CD2: variants seen among roughly 807,000 people sequenced by gnomAD.
The protein encoded by CD2 is T-cell surface antigen CD2.
CD2 carries 18 observed loss-of-function variants against 23.2 expected under a neutral mutation model. The ratio of observed to expected loss-of-function variants is 0.77; its 90% CI spans 0.54 to 1.15. The LOEUF (loss-of-function observed/expected upper bound fraction) is 1.15. CD2 is among the 50% of genes most tolerant of loss of function. The pLI, the probability that CD2 is intolerant of heterozygous loss-of-function variation, is 0.00. For missense variants in CD2, 424 were observed against 423.1 expected, an observed-to-expected ratio of 1.00 and a Z score of -0.02; for synonymous variants, 162 against 151.9, an observed-to-expected ratio of 1.07 and a Z score of -0.49.
Position 116,768,589 on chromosome 1 carries a change from C to T in CD2, c.862C>T (p.His288Tyr). 1 of 1,614,118 alleles carries T rather than the reference C, an allele frequency of 6.2e-7. No homozygotes were observed. Among genetic ancestry groups the T allele is most frequent in the Non-Finnish European group, 8.5e-7 (1 of 1,180,020 alleles). ...TSQHPPPPPG[H>Y]RSQAPSHRPP... is the part of the protein sequence containing the mutation. ...CCAACATCCTCCTCCACCACCTGGTCATCGTTCCCAGGCACCTAGTCATCG... is the reference window on the plus strand; with the variant it reads ...CCAACATCCTCCTCCACCACCTGGTTATCGTTCCCAGGCACCTAGTCATCG... Residue 288 changes from histidine to tyrosine, a missense_variant, in exon 5 of 5, where the codon CAT becomes TAT. His to Tyr is a moderately conservative substitution (Grantham distance 83). Coordinates refer to ENST00000369478, the MANE Select transcript of CD2 (RefSeq NM_001767.5).
At chr1:116,756,922 G>A (rs1016258245) in intron 2 of CD2, among the ~76,000 whole-genome samples, 1 of 151,938 alleles carries the variant, frequency 6.6e-6, no homozygotes, top group African/African-American at 2.4e-5. Flanking sequence ...GTCCTGCAGT[G>A]CCTGGGGCAC....
At chr1:116,760,725 G>A in intron 3 of CD2, 93 bp downstream of exon 3, 2 of 924,550 alleles carry the variant, frequency 2.2e-6, no homozygotes, top group Non-Finnish European at 3.5e-6. Flanking sequence ...CATGCTGGGA[G>A]GCAGCCCTGG....
At chr1:116,757,227 C>A (rs1350168087) in intron 2 of CD2, among the ~76,000 whole-genome samples, 1 of 152,050 alleles carries the variant, frequency 6.6e-6, no homozygotes, top group Non-Finnish European at 1.5e-5. Context: ...AAACTCCTGA[C>A]CTCAGGGGAT....
At chr1:116,761,125 C>T (rs1652037425) in intron 3 of CD2, among the ~76,000 whole-genome samples, 1 of 152,158 alleles carries the variant, frequency 6.6e-6, no homozygotes, top group South Asian at 2.1e-4. Context: ...CCAAAGAGGA[C>T]TGTGGACAGC....
At chr1:116,765,444 G>A (rs552295409) in intron 4 of CD2, among the ~76,000 whole-genome samples, 2 of 152,244 alleles carry the variant, frequency 1.3e-5, no homozygotes, top group Non-Finnish European at 2.9e-5. Flanking sequence ...CCCAGGCACC[G>A]GTGGCCTTGG....
chr1:116,763,872 G>T (rs116335712), intron 3 of CD2, among the ~76,000 whole-genome samples: 1 of 152,104 alleles, frequency 6.6e-6, no homozygotes, highest in East Asian at 1.9e-4. Flanking sequence ...GGTTTCTCTC[G>T]TGGCTCCAGG....
At position 116,767,881 on chromosome 1, in the gene CD2, AGAG is replaced by A. The variant is rs1447863369; in HGVS notation, c.737-576_737-574del. ...AAGAAGAAAATCCTGAAGGGTGAGG[AGAG>A]GAGGAGTTCTTTCCCTCCTAAGGCC... On this transcript the variant is annotated intron_variant, in intron 4 of 4. Transcript: ENST00000369478. Among the ~76,000 whole-genome samples the A allele has an allele frequency of 8.5e-5, 13 of 152,236 alleles. No individual in the cohort carries two copies. In the South Asian group the frequency reaches 2.1e-3, roughly 24 times the overall value.
At chr1:116,763,847 C>T (rs571506832) in intron 3 of CD2, among the ~76,000 whole-genome samples, 28 of 152,268 alleles carry the variant, frequency 1.8e-4, no homozygotes, top group African/African-American at 4.3e-4. Flanking sequence ...CTGTTACTAA[C>T]GCACTGTGCA....
chr1:116,758,669 T>A (rs1380278256), intron 2 of CD2, among the ~76,000 whole-genome samples: 1 of 152,136 alleles, frequency 6.6e-6, no homozygotes, highest in Non-Finnish European at 1.5e-5. Context: ...TGTCCTGTTT[T>A]GAGTGTGAGC....
rs1652104272 is a variant in CD2 at position 116,762,999 on chromosome 1, C to T, written c.614-1485C>T. Among the ~76,000 whole-genome samples the T allele has an allele frequency of 2.0e-5, 3 of 152,250 alleles. No homozygotes were observed. The South Asian group carries it at 6.2e-4, about 32-fold the overall frequency. On this transcript the variant is annotated intron_variant, in intron 3 of 4. Transcript: ENST00000369478. ...CTCCCCAAAGCATTTCAGGCCTGCC[C>T]TGCCCCACCCCGGGTCAAATCTGAA...
At chr1:116,758,375 G>A (rs369363815) in intron 2 of CD2, among the ~76,000 whole-genome samples, 78 of 152,094 alleles carry the variant, frequency 5.1e-4, no homozygotes, top group South Asian at 3.2e-3. Context: ...CACAGAAAAT[G>A]TCGCCAGAAG....
chr1:116,763,311 G>C (rs753480705), intron 3 of CD2, among the ~76,000 whole-genome samples: 11 of 152,142 alleles, frequency 7.2e-5, no homozygotes, highest in Non-Finnish European at 1.0e-4. Context: ...CCTCTCCTTG[G>C]GGCCCATCCT....
rs1652310616 is a variant in CD2, at chr1:116,768,947, C to T, written c.*164C>T. ...GCATCTTCGAACTCAGCCATGTGGT[C>T]AACATCTGGAGTTTTTGGTCTCCTC... On this transcript the variant is annotated 3_prime_UTR_variant, in exon 5 of 5. Coordinates refer to ENST00000369478, the MANE Select transcript of CD2 (RefSeq NM_001767.5). 1.5e-6 allele frequency: 1 copy of T among 677,690 alleles called. No homozygotes were observed. The highest frequency in any genetic ancestry group is 2.0e-5 in the South Asian group (1 of 50,866). 42.0% of individuals were successfully genotyped at this position (677,690 alleles called of 1,614,324 possible). A position where few individuals can be genotyped will look rare whatever the true frequency, so the allele number is the denominator to read the frequency against.
intron 2 of CD2, among the ~76,000 whole-genome samples, chr1:116,756,050 A>C (rs1021532027): frequency 1.3e-5 from 2 of 152,116 alleles, no homozygotes; most frequent in Non-Finnish European, 1.5e-5. Context: ...CCCCATCTTC[A>C]GCACCTGGGC....
intron 2 of CD2, among the ~76,000 whole-genome samples, chr1:116,758,727 G>A (rs1391999855): frequency 1.3e-5 from 2 of 152,170 alleles, no homozygotes; most frequent in African/African-American, 4.8e-5. Flanking sequence ...GTCACATTTA[G>A]CATTGCGGCG....
Position 116,754,905 on chromosome 1 carries a change from A to C in CD2, c.336A>C (p.Thr112=). 4.4e-6 allele frequency: 7 copies of C among 1,600,660 alleles called. No homozygotes were observed. Among genetic ancestry groups the C allele is most frequent in the Non-Finnish European group, 6.0e-6 (7 of 1,175,346 alleles). ...QDIYKVSIYD[T]KGKNVLEKIF... The stretch of plus-strand genomic sequence containing the variant: ...TCTACAAGGTATCAATATATGATAC[A>C]AAAGGAAAAAATGTGTTGGAAAAAA... Residue 112 remains threonine, a synonymous_variant, in exon 2 of 5, where the codon ACA becomes ACC. Transcript: ENST00000369478.
chr1:116,768,766 T>C lies in CD2; in HGVS notation c.1039T>C (p.Ser347Pro). The change falls in exon 5 of 5, where the codon TCC (serine) becomes CCC (proline). Residue 347 changes from serine (S) to proline (P), a missense_variant. Transcript: ENST00000369478. ...PPHGAAENSL[S>P]PSSN ...CCATGGGGCAGCAGAAAACTCATTG[T>C]CCCCTTCCTCTAATTAAAAAAGATA... 6 of 1,609,198 alleles carry C rather than the reference T, an allele frequency of 3.7e-6. No individual in the cohort carries two copies. The South Asian group carries it at 6.7e-5, about 18-fold the overall frequency.
intron 2 of CD2, among the ~76,000 whole-genome samples, chr1:116,759,969 C>T (rs1651987703): frequency 6.6e-6 from 1 of 152,186 alleles, no homozygotes; most frequent in Non-Finnish European, 1.5e-5. Flanking sequence ...CTTTCTCAAA[C>T]TCTGGAGGCA....
chr1:116,756,440 G>A (rs983637479), intron 2 of CD2, among the ~76,000 whole-genome samples: 5 of 152,112 alleles, frequency 3.3e-5, no homozygotes, highest in African/African-American at 1.2e-4. Flanking sequence ...AGACCTAGTT[G>A]TTATTATCTC....
Sources: gnomAD v4.1 joint callset for allele counts (sites outside exome capture counted in the v4.1 genomes callset) on GRCh38, gnomAD v4.1.1 for gene constraint, MANE v1.5 for transcripts, NCBI Gene and HGNC (gene_info 2026-07-23, HGNC 2026-07-21) for gene names.